Variants in CABIN1 observed in about 807,000 individuals in gnomAD.
The protein encoded by CABIN1 is calcineurin-binding protein cabin-1.
Under a neutral mutation model 227.7 loss-of-function variants are expected in CABIN1, and 133 were observed. That is an observed-to-expected ratio of 0.58 (90% CI 0.51 to 0.67). The LOEUF (loss-of-function observed/expected upper bound fraction) is 0.67. CABIN1 is among the 30% of genes least tolerant of loss of function. The probability of loss-of-function intolerance (pLI) is 0.00; values close to 1 mark genes in which losing one functional copy is unlikely to be tolerated. For missense variants in CABIN1, 2,408 were observed against 2,852.5 expected (o/e 0.84, Z 3.55); for synonymous variants, 1,086 against 1,155.1 (o/e 0.94, Z 1.21).
chr22:24,169,642 CCCCAGTG>C (rs1290695366), intron 33 of CABIN1, among the ~76,000 whole-genome samples: 4 of 152,204 alleles, frequency 2.6e-5, no homozygotes, highest in African/African-American at 7.2e-5. Flanking sequence ...GCTGTCTGGG[CCCCAGTG>C]CTGGGCGCAG....
At chr22:24,166,536 T>G in intron 31 of CABIN1, 103 bp from the exon 32 acceptor site, 1 of 1,389,918 alleles carries the variant, frequency 7.2e-7, no homozygotes, top group Non-Finnish European at 1.0e-6. Flanking sequence ...GCCACACAGA[T>G]GTCAGGTGGG....
At chr22:24,049,058 T>C in intron 6 of CABIN1, 33 bp from the exon 7 acceptor site, 1 of 1,612,738 alleles carries the variant, frequency 6.2e-7, no homozygotes. Flanking sequence ...GAGTGCGGTC[T>C]CAGAAGTCAT....
rs200419888 is a variant in CABIN1 at position 24,164,510 on chromosome 22, C to T, written c.4857C>T (p.His1619=). 3 of 1,606,196 alleles carry T rather than the reference C, an allele frequency of 1.9e-6. No individual in the cohort carries two copies. Among genetic ancestry groups the T allele is most frequent in the East Asian group, 2.2e-5 (1 of 44,874 alleles). ...LLKVLAQLRD[H]STLLKVSSML... ...AGGTGCTGGCCCAGCTGCGGGACCA[C>T]AGCACCCTGCTGAAGGTGTCCTCCA... Residue 1619 remains histidine (H), a synonymous_variant, in exon 30 of 37, where the codon CAC becomes CAT. Coordinates refer to ENST00000263119, the MANE Select transcript of CABIN1 (RefSeq NM_012295.4).
Position 24,171,626 on chromosome 22 carries a change from G to A in CABIN1, c.5758-87G>A, listed in dbSNP as rs2046816800. ...GCCCCAGGCGCACAGGATGTCCTGTGGGACAGCACTGGTCGGCTGGCGGGC... is the reference window on the plus strand; with the variant it reads ...GCCCCAGGCGCACAGGATGTCCTGTAGGACAGCACTGGTCGGCTGGCGGGC... On this transcript the variant is annotated intron_variant, in intron 33 of 36. Coordinates refer to ENST00000263119, the MANE Select transcript of CABIN1 (RefSeq NM_012295.4). The A allele has an allele frequency of 4.0e-6, 6 of 1,503,036 alleles. No individual in the cohort carries two copies. The Admixed American group carries it at 1.0e-4, about 25-fold the overall frequency. The allele number at this position is 1,503,036 out of a possible 1,614,324, so 93.1% of individuals were successfully genotyped here.
At chr22:24,172,056 CG>C in intron 34 of CABIN1, 61 bp downstream of exon 34, 1 of 1,556,162 alleles carries the variant, frequency 6.4e-7, no homozygotes, top group Non-Finnish European at 8.7e-7. Context: ...GTCCTCCCTG[CG>C]GGGAGAGTGT....
chr22:24,174,243 C>T (rs1332002012), intron 34 of CABIN1, among the ~76,000 whole-genome samples: 2 of 152,062 alleles, frequency 1.3e-5, no homozygotes, highest in East Asian at 1.9e-4. Flanking sequence ...ATCCTCCTAC[C>T]TCAGCCTCCC....
intron 22 of CABIN1, among the ~76,000 whole-genome samples, chr22:24,087,208 G>T (rs2041227561): frequency 6.6e-6 from 1 of 152,202 alleles, no homozygotes; most frequent in South Asian, 2.1e-4. Context: ...GTCTCATAAT[G>T]CCCACAGCTC....
chr22:24,066,629 C>CT (rs1390429297), intron 15 of CABIN1, among the ~76,000 whole-genome samples: 1 of 152,208 alleles, frequency 6.6e-6, no homozygotes, highest in East Asian at 1.9e-4. Context: ...TGCTGAGTCT[C>CT]TGACAACCCG....
At chr22:24,071,536 C>T (rs924280443) in intron 17 of CABIN1, among the ~76,000 whole-genome samples, 1 of 152,072 alleles carries the variant, frequency 6.6e-6, no homozygotes, top group African/African-American at 2.4e-5. Flanking sequence ...GCAAGTCCTG[C>T]CAAATCTATA....
chr22:24,085,219 T>G, intron 22 of CABIN1, 68 bp downstream of exon 22: 4 of 1,558,670 alleles, frequency 2.6e-6, no homozygotes, highest in Middle Eastern at 1.7e-4. Flanking sequence ...CTCAGCAAGC[T>G]CTTCAGTGGG....
At chr22:24,153,859 C>T (rs748324366) in intron 29 of CABIN1, among the ~76,000 whole-genome samples, 2 of 152,198 alleles carry the variant, frequency 1.3e-5, no homozygotes, top group Non-Finnish European at 2.9e-5. Context: ...CTGAGCTCCC[C>T]TCTTCCACCA....
chr22:24,136,348 T>TGG (rs1491264970), intron 29 of CABIN1, among the ~76,000 whole-genome samples: 1 of 103,456 alleles, frequency 9.7e-6, no homozygotes, highest in African/African-American at 4.8e-5. Context: ...CCATCCCTCC[T>TGG]TTTTTTTTTT....
intron 29 of CABIN1, among the ~76,000 whole-genome samples, chr22:24,153,045 G>A (rs1330822994): frequency 6.6e-6 from 1 of 152,222 alleles, no homozygotes; most frequent in African/African-American, 2.4e-5. Context: ...CCCCTGGGCA[G>A]CTCAGCCGAC....
At chr22:24,100,195 G>A (rs2042121508) in intron 26 of CABIN1, among the ~76,000 whole-genome samples, 1 of 152,246 alleles carries the variant, frequency 6.6e-6, no homozygotes, top group Non-Finnish European at 1.5e-5. Flanking sequence ...AAAGCCATCA[G>A]GATCCCATGG....
intron 1 of CABIN1, among the ~76,000 whole-genome samples, chr22:24,031,844 C>T (rs1482913636): frequency 2.0e-5 from 3 of 152,166 alleles, no homozygotes; most frequent in Non-Finnish European, 2.9e-5. Context: ...CATGGGCTGT[C>T]GGCCTGCCTT....
Position 24,062,026 on chromosome 22 carries a change from G to C in CABIN1, c.1696+1G>C. 6.2e-7 allele frequency: 1 copy of C among 1,612,714 alleles called. No homozygotes were observed. Among genetic ancestry groups the C allele is most frequent in the Non-Finnish European group, 8.5e-7 (1 of 1,178,978 alleles). ...CTGACCAAAGGCAGAAGCTCTGCAG[G>C]TAGGAGGCATTATGTGTTCTGTGGC... On this transcript the variant is annotated splice_donor_variant, in intron 13 of 36. Coordinates refer to ENST00000263119, the MANE Select transcript of CABIN1 (RefSeq NM_012295.4). LOFTEE classifies it high-confidence loss of function.
At chr22:24,074,783 G>A (rs2040326934) in intron 18 of CABIN1, among the ~76,000 whole-genome samples, 1 of 152,168 alleles carries the variant, frequency 6.6e-6, no homozygotes, top group Non-Finnish European at 1.5e-5. Flanking sequence ...AAACAAAAAG[G>A]AAAATCGTAG....
At chr22:24,090,857 G>A (rs1409611903) in intron 23 of CABIN1, among the ~76,000 whole-genome samples, 5 of 152,064 alleles carry the variant, frequency 3.3e-5, no homozygotes, top group Non-Finnish European at 7.4e-5. Flanking sequence ...CAGCTCTGTG[G>A]GCTTGCACAT....
At position 24,171,805 on chromosome 22, in the gene CABIN1, T is replaced by C. The variant is rs371045753; in HGVS notation, c.5850T>C (p.Pro1950=). ...PVTVVPTAPD[P]VPADSVQRPS... The stretch of plus-strand genomic sequence containing the variant: ...CAGTGGTGCCCACAGCCCCTGACCC[T>C]GTGCCAGCTGACTCTGTCCAGCGGC... Residue 1950 remains proline (P), a synonymous_variant, in exon 34 of 37, where the codon CCT becomes CCC. Coordinates refer to ENST00000263119, the MANE Select transcript of CABIN1 (RefSeq NM_012295.4). The C allele has an allele frequency of 1.2e-5, 20 of 1,614,032 alleles. No individual in the cohort carries two copies. The African/African-American group carries it at 2.4e-4, about 19-fold the overall frequency.
Sources: allele counts gnomAD v4.1 joint callset (sites outside exome capture counted in the v4.1 genomes callset), GRCh38; gene constraint gnomAD v4.1.1; transcripts MANE v1.5; gene names NCBI Gene and HGNC (gene_info 2026-07-23, HGNC 2026-07-21).